DLC1: variants seen among roughly 807,000 people sequenced by gnomAD.
DLC1 encodes the protein DLC1 Rho GTPase activating protein.
Under a neutral mutation model 140.3 loss-of-function variants are expected in DLC1, and 54 were observed. That is an observed-to-expected ratio of 0.38 (90% CI 0.31 to 0.48). The LOEUF (loss-of-function observed/expected upper bound fraction) is 0.48. Among genes scored for constraint, DLC1 ranks in the 20% least tolerant of loss-of-function variants. DLC1 has a pLI of 0.96. For missense variants in DLC1, 2,536 were observed against 1,907.0 expected, an observed-to-expected ratio of 1.33 and a Z score of -6.14; for synonymous variants, 986 against 728.1, an observed-to-expected ratio of 1.35 and a Z score of -5.70.
At chr8:13,594,263 G>A (rs1805616126) in intron 1 of DLC1, among the ~76,000 whole-genome samples, 1 of 152,100 alleles carries the variant, frequency 6.6e-6, no homozygotes, top group Non-Finnish European at 1.5e-5. Context: ...AAAACCTCAT[G>A]ACCTTTTGAA....
At chr8:13,281,218 C>A (rs1831354589) in intron 5 of DLC1, among the ~76,000 whole-genome samples, 1 of 152,178 alleles carries the variant, frequency 6.6e-6, no homozygotes, top group Non-Finnish European at 1.5e-5. Flanking sequence ...GGCAATTTTA[C>A]TTGTTAATCT....
intron 1 of DLC1, among the ~76,000 whole-genome samples, chr8:13,562,799 T>C (rs764194163): frequency 5.9e-5 from 9 of 152,008 alleles, no homozygotes; most frequent in Non-Finnish European, 1.3e-4. Context: ...AATGTGTGAA[T>C]AAAATACATT....
chr8:13,175,237 A>G (rs1825694356), intron 5 of DLC1, among the ~76,000 whole-genome samples: 1 of 149,552 alleles, frequency 6.7e-6, no homozygotes, highest in Non-Finnish European at 1.5e-5. Context: ...TTGCACCAGT[A>G]CCATGTGGTT....
chr8:13,563,028 G>A (rs1585277786), intron 1 of DLC1, among the ~76,000 whole-genome samples: 2 of 151,980 alleles, frequency 1.3e-5, no homozygotes, highest in African/African-American at 2.4e-5. Flanking sequence ...AAAGATAATC[G>A]AAAACTCTAA....
chr8:13,115,862 A>G (rs1295745710), intron 5 of DLC1, among the ~76,000 whole-genome samples: 1 of 152,148 alleles, frequency 6.6e-6, no homozygotes, highest in Non-Finnish European at 1.5e-5. Context: ...ATGAGGATGT[A>G]TTTTCCCTTT....
At position 13,291,327 on chromosome 8, in the gene DLC1, G is replaced by T. The variant is rs539994146; in HGVS notation, c.1348+13942C>A. Among the ~76,000 whole-genome samples, 7 of 152,332 alleles carry T rather than the reference G, an allele frequency of 4.6e-5. No individual in the cohort carries two copies. The South Asian group carries it at 1.4e-3, about 32-fold the overall frequency. ...CTTAAGGCTTATAATAGAGAATTCA[G>T]TGAAATCATGTTTGGATAGTAAATA... On this transcript the variant is annotated intron_variant, in intron 5 of 17. Coordinates refer to ENST00000276297, the MANE Select transcript of DLC1 (RefSeq NM_182643.3).
At chr8:13,413,506 A>G (rs1837903191) in intron 2 of DLC1, among the ~76,000 whole-genome samples, 1 of 151,808 alleles carries the variant, frequency 6.6e-6, no homozygotes, top group African/African-American at 2.4e-5. Flanking sequence ...ACACATATAT[A>G]TATATATACA....
intron 5 of DLC1, among the ~76,000 whole-genome samples, chr8:13,158,574 T>C (rs1365488432): frequency 2.0e-5 from 3 of 152,178 alleles, no homozygotes; most frequent in Non-Finnish European, 4.4e-5. Context: ...AACAGTATCT[T>C]GTGATATCTG....
intron 4 of DLC1, among the ~76,000 whole-genome samples, chr8:13,379,888 C>T (rs890098021): frequency 6.6e-6 from 1 of 152,160 alleles, no homozygotes. Context: ...AGCAAACTAA[C>T]ACAGGAACAG....
chr8:13,094,567 G>A (rs1382024972), intron 12 of DLC1, among the ~76,000 whole-genome samples, 192 bp downstream of exon 12: 2 of 152,124 alleles, frequency 1.3e-5, no homozygotes, highest in Non-Finnish European at 2.9e-5. Context: ...TTGGGAGGCT[G>A]AGGTGGGAGA....
intron 5 of DLC1, among the ~76,000 whole-genome samples, chr8:13,160,922 A>C (rs1035368698): frequency 1.3e-5 from 2 of 152,186 alleles, no homozygotes; most frequent in Non-Finnish European, 2.9e-5. Flanking sequence ...TCTACTAAAA[A>C]TATAAAAAAT....
chr8:13,412,468 T>A (rs1357486490), intron 2 of DLC1, among the ~76,000 whole-genome samples: 2 of 152,116 alleles, frequency 1.3e-5, no homozygotes, highest in African/African-American at 4.8e-5. Flanking sequence ...GTTGTGGCAT[T>A]TTTTGCTAGT....
At chr8:13,469,363 G>C (rs1457042110) in intron 2 of DLC1, among the ~76,000 whole-genome samples, 1 of 152,108 alleles carries the variant, frequency 6.6e-6, no homozygotes, top group East Asian at 1.9e-4. Context: ...CTGTACCATG[G>C]GCAGAATAAT....
chr8:13,360,762 T>TA (rs1307604199), intron 4 of DLC1, among the ~76,000 whole-genome samples: 1 of 152,050 alleles, frequency 6.6e-6, no homozygotes, highest in Non-Finnish European at 1.5e-5. Context: ...ATGAAAAAAA[T>TA]AAAAAATAAA....
chr8:13,544,089 T>C (rs1274834892), intron 1 of DLC1, among the ~76,000 whole-genome samples: 1 of 151,990 alleles, frequency 6.6e-6, no homozygotes, highest in African/African-American at 2.4e-5. Context: ...TATTCATTAG[T>C]TTTATATTAG....
intron 2 of DLC1, among the ~76,000 whole-genome samples, chr8:13,463,086 A>AC: frequency 6.6e-6 from 1 of 150,914 alleles, no homozygotes. Flanking sequence ...AAACAAACAA[A>AC]AAACAAGCAA....
chr8:13,312,924 C>G (rs6985924), intron 4 of DLC1, among the ~76,000 whole-genome samples: 12,508 of 152,148 alleles, frequency 0.082, 641 homozygotes, highest in African/African-American at 0.14. Flanking sequence ...TATTCAGAGA[C>G]CAATTGACTC....
At chr8:13,461,369 T>C (rs1012350565) in intron 2 of DLC1, among the ~76,000 whole-genome samples, 16 of 152,224 alleles carry the variant, frequency 1.1e-4, no homozygotes, top group African/African-American at 3.9e-4. Flanking sequence ...TCTGAACATT[T>C]ACAAACATGT....
intron 5 of DLC1, among the ~76,000 whole-genome samples, chr8:13,246,831 T>C (rs1304001792): frequency 6.6e-6 from 1 of 152,170 alleles, no homozygotes; most frequent in East Asian, 1.9e-4. Flanking sequence ...ATATTTCTAA[T>C]ATTTGTTGAA....
Sources: gnomAD v4.1 joint callset for allele counts (sites outside exome capture counted in the v4.1 genomes callset) on GRCh38, gnomAD v4.1.1 for gene constraint, MANE v1.5 for transcripts, NCBI Gene and HGNC (gene_info 2026-07-23, HGNC 2026-07-21) for gene names.